Variants in CLEC16A observed in about 807,000 individuals in gnomAD.
The protein encoded by CLEC16A is C-type lectin domain containing 16A.
A neutral mutation model predicts 109.5 loss-of-function variants in CLEC16A; 51 were observed. That is an observed-to-expected ratio of 0.47 (90% CI 0.37 to 0.59). The LOEUF (loss-of-function observed/expected upper bound fraction) is 0.59. CLEC16A is among the 20% of genes least tolerant of loss of function. The pLI is 0.00. For missense variants in CLEC16A, 1,339 were observed against 1,394.0 expected (o/e 0.96, Z 0.63); for synonymous variants, 673 against 564.2 (o/e 1.19, Z -2.73).
At chr16:10,996,419 G>GTGCTTA (rs2044331083) in intron 10 of CLEC16A, among the ~76,000 whole-genome samples, 2 of 152,208 alleles carry the variant, frequency 1.3e-5, no homozygotes, top group African/African-American at 4.8e-5. Flanking sequence ...AGGTGACCTA[G>GTGCTTA]GCCTTAGCAG....
intron 13 of CLEC16A, among the ~76,000 whole-genome samples, chr16:11,036,808 C>A (rs2047051142): frequency 6.6e-6 from 1 of 152,146 alleles, no homozygotes; most frequent in Admixed American, 6.5e-5. Flanking sequence ...CTTGGCCTCC[C>A]AAAGTGCTGG....
At chr16:10,986,483 T>G (rs557739049) in intron 10 of CLEC16A, among the ~76,000 whole-genome samples, 16 of 152,334 alleles carry the variant, frequency 1.1e-4, no homozygotes, top group Admixed American at 2.0e-4. Flanking sequence ...AAGTACAATG[T>G]GCTATCCATT....
At chr16:10,972,384 T>C in intron 5 of CLEC16A, 170 bp from the exon 6 acceptor site, 1 of 618,028 alleles carries the variant, frequency 1.6e-6, no homozygotes, top group Non-Finnish European at 2.9e-6. Flanking sequence ...TGCTGCCTCC[T>C]GCTCTGTTTT....
At chr16:11,104,048 G>T (rs987126848) in intron 19 of CLEC16A, among the ~76,000 whole-genome samples, 6 of 152,202 alleles carry the variant, frequency 3.9e-5, no homozygotes, top group Admixed American at 1.3e-4. Flanking sequence ...ACAGATGTGT[G>T]TGGCACCCAC....
intron 11 of CLEC16A, among the ~76,000 whole-genome samples, chr16:11,010,795 C>T (rs574859696): frequency 8.1e-4 from 123 of 152,364 alleles, no homozygotes; most frequent in African/African-American, 2.8e-3. Context: ...CGCCTCCAGC[C>T]TCCTTTACTC....
intron 16 of CLEC16A, chr16:11,044,292 A>C: frequency 5.3e-6 from 2 of 376,252 alleles, no homozygotes; most frequent in Non-Finnish European, 9.4e-6. Context: ...ACTCAGCCCC[A>C]GTATATGATA....
intron 13 of CLEC16A, among the ~76,000 whole-genome samples, chr16:11,035,844 T>C (rs937478450): frequency 6.6e-6 from 1 of 152,266 alleles, no homozygotes; most frequent in African/African-American, 2.4e-5. Context: ...TTTTGGTAAA[T>C]GATAAGGCCT....
intron 21 of CLEC16A, among the ~76,000 whole-genome samples, chr16:11,124,655 G>A (rs2052671366): frequency 1.3e-5 from 2 of 152,198 alleles, no homozygotes; most frequent in Non-Finnish European, 2.9e-5. Context: ...AAGGCATGCT[G>A]TCAACTCCTA....
chr16:11,022,301 T>C (rs931141574), intron 12 of CLEC16A, among the ~76,000 whole-genome samples: 9 of 151,544 alleles, frequency 5.9e-5, no homozygotes, highest in African/African-American at 1.9e-4. Flanking sequence ...ACTTGAGCAG[T>C]TGGGACTACA....
chr16:11,001,079 T>G (rs1372808462), intron 10 of CLEC16A, among the ~76,000 whole-genome samples: 3 of 152,202 alleles, frequency 2.0e-5, no homozygotes, highest in Non-Finnish European at 4.4e-5. Context: ...CTAGTCTGTT[T>G]GCATGTCTAT....
chr16:11,101,775 G>A (rs532392352), intron 19 of CLEC16A, among the ~76,000 whole-genome samples: 3 of 151,918 alleles, frequency 2.0e-5, no homozygotes, highest in East Asian at 1.9e-4. Context: ...TAAGTAGTTC[G>A]TGTACAAGTT....
intron 14 of CLEC16A, chr16:11,041,220 A>C (rs1230601588): frequency 1.3e-5 from 2 of 152,196 alleles, no homozygotes; most frequent in Non-Finnish European, 2.9e-5. Context: ...CACTCATTGC[A>C]ATAGGTTTTT....
chr16:11,131,371 C>T (rs1340439105), intron 22 of CLEC16A, among the ~76,000 whole-genome samples: 1 of 152,274 alleles, frequency 6.6e-6, no homozygotes, highest in Admixed American at 6.5e-5. Context: ...GACCCCAGAG[C>T]AGAAGCTGTT....
chr16:11,008,501 C>T (rs762817341), intron 11 of CLEC16A, among the ~76,000 whole-genome samples: 10 of 152,064 alleles, frequency 6.6e-5, no homozygotes, highest in African/African-American at 2.2e-4. Flanking sequence ...CAGAAGTGGA[C>T]GTCCTTGGGT....
intron 19 of CLEC16A, among the ~76,000 whole-genome samples, chr16:11,099,181 A>T (rs1239208841): frequency 6.6e-6 from 1 of 152,166 alleles, no homozygotes; most frequent in Non-Finnish European, 1.5e-5. Context: ...AGGCTGCTTC[A>T]TGCCACCCGG....
chr16:11,165,734 C>T (rs537919447), intron 22 of CLEC16A, among the ~76,000 whole-genome samples: 5 of 152,266 alleles, frequency 3.3e-5, no homozygotes, highest in East Asian at 1.9e-4. Flanking sequence ...GCTCGTTCAT[C>T]CCCGCTGGGT....
Position 10,981,157 on chromosome 16 carries a change from T to C in CLEC16A, c.958-1721T>C, listed in dbSNP as rs533299607. 3.3e-5 allele frequency among the ~76,000 whole-genome samples: 5 copies of C among 152,312 alleles called. No homozygotes were observed. In the East Asian group the frequency reaches 9.6e-4, roughly 29 times the overall value. On this transcript the variant is annotated intron_variant, in intron 9 of 23. Transcript: ENST00000409790. ...ATTGGTTGCTTTGTTCAGGGGGGCCTTTGTAGGTGCTCACTGAATGCTTGT... is the reference window on the plus strand; with the variant it reads ...ATTGGTTGCTTTGTTCAGGGGGGCCCTTGTAGGTGCTCACTGAATGCTTGT...
At chr16:11,105,369 T>G (rs2051154841) in intron 19 of CLEC16A, among the ~76,000 whole-genome samples, 1 of 152,208 alleles carries the variant, frequency 6.6e-6, no homozygotes, top group East Asian at 1.9e-4. Flanking sequence ...GTGAAGCTTT[T>G]GCAAGTTGCT....
intron 19 of CLEC16A, among the ~76,000 whole-genome samples, chr16:11,070,031 C>T (rs1009316825): frequency 3.3e-5 from 5 of 151,916 alleles, no homozygotes; most frequent in Admixed American, 2.0e-4. Context: ...AGGATGTTAC[C>T]TTCTCTCCCA....
Sources: gnomAD v4.1 joint callset for allele counts (sites outside exome capture counted in the v4.1 genomes callset) on GRCh38, gnomAD v4.1.1 for gene constraint, MANE v1.5 for transcripts, NCBI Gene and HGNC (gene_info 2026-07-23, HGNC 2026-07-21) for gene names.